LZTFL1: variants seen among roughly 807,000 people sequenced by gnomAD.
LZTFL1 encodes leucine zipper transcription factor-like protein 1.
In LZTFL1, 25 loss-of-function variants were observed where a neutral mutation model predicts 45.9. That is an observed-to-expected ratio of 0.54 (90% CI 0.40 to 0.76). The LOEUF (loss-of-function observed/expected upper bound fraction) is 0.76. Ranked by LOEUF, LZTFL1 falls within the 30% of genes least tolerant of loss-of-function variation. LZTFL1 has a pLI of 0.00. For synonymous variants in LZTFL1, 93 were observed against 117.4 expected (o/e 0.79, Z 1.35); for missense variants, 277 against 331.1 (o/e 0.84, Z 1.27).
intron 2 of LZTFL1, among the ~76,000 whole-genome samples, chr3:45,899,796 C>T (rs1054150426): frequency 1.3e-5 from 2 of 152,198 alleles, no homozygotes; most frequent in Non-Finnish European, 2.9e-5. Flanking sequence ...CATTACCTCC[C>T]ACCCCAGGTT....
chr3:45,832,970 C>G, intron 5 of LZTFL1, 80 bp downstream of exon 5: 1 of 1,068,278 alleles, frequency 9.4e-7, no homozygotes, highest in Admixed American at 1.8e-5. Context: ...CTGAAACAAA[C>G]CTTCCACTTC....
chr3:45,836,334 A>G (rs371708965), intron 2 of LZTFL1, among the ~76,000 whole-genome samples: 6 of 152,162 alleles, frequency 3.9e-5, no homozygotes, highest in African/African-American at 9.7e-5. Context: ...ACAAAAATGA[A>G]TATCATCATC....
chr3:45,849,973 C>A (rs553657007), intron 4 of LZTFL1, among the ~76,000 whole-genome samples: 1 of 152,182 alleles, frequency 6.6e-6, no homozygotes, highest in Non-Finnish European at 1.5e-5. Context: ...CCGTGAAAAC[C>A]ATGGAGATAG....
intron 2 of LZTFL1, among the ~76,000 whole-genome samples, chr3:45,910,253 G>A (rs1205896871): frequency 2.6e-5 from 4 of 152,278 alleles, no homozygotes; most frequent in South Asian, 2.1e-4. Context: ...TGGTGGTGGC[G>A]GAGTTGGAGT....
At chr3:45,894,344 C>G (rs1422926421) in intron 2 of LZTFL1, among the ~76,000 whole-genome samples, 1 of 152,200 alleles carries the variant, frequency 6.6e-6, no homozygotes. Flanking sequence ...GGGGCCCCAA[C>G]CCCAGTGGGC....
intron 9 of LZTFL1, among the ~76,000 whole-genome samples, chr3:45,826,640 T>C (rs1382193427): frequency 2.0e-5 from 3 of 152,226 alleles, no homozygotes; most frequent in Admixed American, 2.0e-4. Context: ...AGTAAAGGGC[T>C]AGCAAATCTA....
chr3:45,840,574 G>A (rs1283937097), intron 1 of LZTFL1, among the ~76,000 whole-genome samples: 1 of 152,164 alleles, frequency 6.6e-6, no homozygotes, highest in African/African-American at 2.4e-5. Context: ...GTATCCAAGT[G>A]GGGAAGTCAG....
At chr3:45,904,089 C>A (rs1275635084) in intron 2 of LZTFL1, among the ~76,000 whole-genome samples, 1 of 152,190 alleles carries the variant, frequency 6.6e-6, no homozygotes, top group Admixed American at 6.5e-5. Context: ...GGAGCCTTCC[C>A]AGGTGGGAGC....
At position 45,842,098 on chromosome 3, in the gene LZTFL1, G is replaced by A. The variant is rs1701136998; in HGVS notation, c.-107C>T. The A allele has an allele frequency of 2.6e-6, 4 of 1,560,210 alleles. No homozygotes were observed. The highest frequency in any genetic ancestry group is 2.4e-5 in the East Asian group (1 of 42,030). ...TGGACCACAGAAAATGGGGAAGGAG[G>A]GTAGGTTGTTTAGAAGCCTCTGGTT... On this transcript the variant is annotated 5_prime_UTR_variant, in exon 1 of 10. Transcript: ENST00000296135.
chr3:45,899,309 G>T (rs953637756), intron 2 of LZTFL1, among the ~76,000 whole-genome samples: 1 of 152,186 alleles, frequency 6.6e-6, no homozygotes, highest in Non-Finnish European at 1.5e-5. Context: ...CTAAAACATG[G>T]TTTGGGAAAT....
chr3:45,905,704 G>A (rs1484253869), intron 2 of LZTFL1, among the ~76,000 whole-genome samples: 2 of 152,206 alleles, frequency 1.3e-5, no homozygotes, highest in Non-Finnish European at 2.9e-5. Context: ...ATCTCAGCCC[G>A]ATGGTGGCAC....
chr3:45,851,742 G>T (rs1445965915), intron 4 of LZTFL1, among the ~76,000 whole-genome samples: 1 of 151,842 alleles, frequency 6.6e-6, no homozygotes, highest in African/African-American at 2.4e-5. Flanking sequence ...CAACACTTTG[G>T]GAGGCTGACG....
chr3:45,829,878 C>T (rs1700771205), intron 7 of LZTFL1, among the ~76,000 whole-genome samples: 1 of 152,110 alleles, frequency 6.6e-6, no homozygotes. Flanking sequence ...TTTTATAAAT[C>T]TATTGTCATT....
At chr3:45,906,478 C>A (rs1042777341) in intron 2 of LZTFL1, among the ~76,000 whole-genome samples, 2 of 150,882 alleles carry the variant, frequency 1.3e-5, no homozygotes, top group African/African-American at 4.8e-5. Context: ...CCAGCATTTG[C>A]CAAGCCAGAC....
At chr3:45,912,209 C>A (rs903113913) in intron 2 of LZTFL1, among the ~76,000 whole-genome samples, 1 of 152,096 alleles carries the variant, frequency 6.6e-6, no homozygotes, top group Admixed American at 6.5e-5. Flanking sequence ...TGTGTTTTTG[C>A]GTACTTGTAT....
chr3:45,875,290 A>C (rs991781343), intron 2 of LZTFL1, among the ~76,000 whole-genome samples: 2 of 152,230 alleles, frequency 1.3e-5, no homozygotes, highest in Non-Finnish European at 2.9e-5. Flanking sequence ...TGACTATAGT[A>C]AGTGCAAAAT....
At chr3:45,897,256 T>G (rs925121982) in intron 2 of LZTFL1, among the ~76,000 whole-genome samples, 2 of 152,198 alleles carry the variant, frequency 1.3e-5, no homozygotes, top group African/African-American at 4.8e-5. Flanking sequence ...TGTTCCAGGA[T>G]TCCTCTCGTG....
chr3:45,902,150 C>A (rs1575308371), intron 2 of LZTFL1: 2 of 393,792 alleles, frequency 5.1e-6, no homozygotes, highest in Non-Finnish European at 4.7e-6. Context: ...AGGACCGGCA[C>A]TGTGGAGCAC....
Position 45,828,492 on chromosome 3 carries a change from T to C in LZTFL1, c.724A>G (p.Thr242Ala), listed in dbSNP as rs751968807. 88 of 1,614,222 alleles carry C rather than the reference T, an allele frequency of 5.5e-5. 1 individual carries two copies. The Admixed American group carries it at 1.3e-3, about 24-fold the overall frequency. ...ACCCTGAGTAGATCGTGCTTGGCTG[T>C]CGCCAGATTCTCCTCCAGTGACTTC... ...NQKSLEENLA[T>A]AKHDLLRVQE... is the part of the protein sequence containing the mutation. Residue 242 changes from threonine (T) to alanine (A), a missense_variant, in exon 8 of 10, where the codon ACA becomes GCA. By Grantham distance (58) the Thr-to-Ala change is moderately conservative. Coordinates refer to ENST00000296135, the MANE Select transcript of LZTFL1 (RefSeq NM_020347.4).
Sources: allele counts gnomAD v4.1 joint callset (sites outside exome capture counted in the v4.1 genomes callset), GRCh38; gene constraint gnomAD v4.1.1; transcripts MANE v1.5; gene names NCBI Gene and HGNC (gene_info 2026-07-23, HGNC 2026-07-21).